ME2: variants seen among roughly 807,000 people sequenced by gnomAD.
ME2 encodes malic enzyme 2, also known as NAD-dependent malic enzyme, mitochondrial.
Under a neutral mutation model 73.7 loss-of-function variants are expected in ME2, and 60 were observed. The observed-to-expected ratio is 0.81, with a 90% CI of 0.66 to 1.01. The LOEUF (loss-of-function observed/expected upper bound fraction) is 1.01, where lower values mean the gene tolerates loss of function less well. Among genes scored for constraint, ME2 ranks in the 50% least tolerant of loss-of-function variants. The pLI, the probability that ME2 is intolerant of heterozygous loss-of-function variation, is 0.00. For synonymous variants in ME2, 199 were observed against 236.9 expected (o/e 0.84, Z 1.47); for missense variants, 594 against 705.5 (o/e 0.84, Z 1.79).
At chr18:50,901,186 G>A (rs1916880982) in intron 2 of ME2, among the ~76,000 whole-genome samples, 1 of 152,154 alleles carries the variant, frequency 6.6e-6, no homozygotes, top group Admixed American at 6.5e-5. Context: ...TGAGGCACTG[G>A]CTACATAGCG....
intron 15 of ME2, among the ~76,000 whole-genome samples, chr18:50,941,785 ACT>A (rs1475650139): frequency 6.6e-6 from 1 of 151,604 alleles, no homozygotes; most frequent in Non-Finnish European, 1.5e-5. Flanking sequence ...CAGAAAAAGT[ACT>A]GATTTACATT....
In ME2 at chr18:50,948,312, C is replaced by G. The variant is rs949962134; in HGVS notation, c.*1128C>G. ...ATCCCAGTAAAATGGGTAATAATGGCTATCCAGAACAGTTTTCTTGTGTGG... is the reference window on the plus strand; with the variant it reads ...ATCCCAGTAAAATGGGTAATAATGGGTATCCAGAACAGTTTTCTTGTGTGG... On this transcript the variant is annotated 3_prime_UTR_variant, in exon 16 of 16. Coordinates refer to ENST00000321341, the MANE Select transcript of ME2 (RefSeq NM_002396.5). 5.9e-5 allele frequency: 9 copies of G among 152,080 alleles called. No individual in the cohort carries two copies. The highest frequency in any genetic ancestry group is 2.2e-4 in the African/African-American group (9 of 41,408). The allele number at this position is 152,080 out of a possible 1,614,324, so 9.4% of individuals were successfully genotyped here. A position where few individuals can be genotyped will look rare whatever the true frequency, so the allele number is the denominator to read the frequency against.
intron 4 of ME2, among the ~76,000 whole-genome samples, chr18:50,913,740 T>G (rs1308414025): frequency 6.6e-6 from 1 of 152,142 alleles, no homozygotes; most frequent in Non-Finnish European, 1.5e-5. Flanking sequence ...AGTTCTTGAA[T>G]GAGTCGCGTG....
intron 13 of ME2, among the ~76,000 whole-genome samples, chr18:50,937,907 A>G (rs1389246162): frequency 2.0e-5 from 3 of 152,202 alleles, no homozygotes; most frequent in African/African-American, 7.2e-5. Context: ...CTTCATGAAC[A>G]TTTCCCAAAA....
At chr18:50,943,159 A>G (rs887898275) in intron 15 of ME2, among the ~76,000 whole-genome samples, 1 of 152,092 alleles carries the variant, frequency 6.6e-6, no homozygotes, top group African/African-American at 2.4e-5. Context: ...TCTACTTTTT[A>G]AAAGAAGTAG....
chr18:50,899,607 GTCT>G (rs1429746268), intron 2 of ME2, among the ~76,000 whole-genome samples: 1 of 152,114 alleles, frequency 6.6e-6, no homozygotes, highest in African/African-American at 2.4e-5. Flanking sequence ...GTGAGCCCCT[GTCT>G]CAAAAAAAAT....
Position 50,951,069 on chromosome 18 carries a change from CTT to C in ME2, c.*3887_*3888del, listed in dbSNP as rs1221095192. 6.6e-6 allele frequency: 1 copy of C among 152,186 alleles called. No individual in the cohort carries two copies. Among genetic ancestry groups the C allele is most frequent in the Non-Finnish European group, 1.5e-5 (1 of 68,032 alleles). The allele number at this position is 152,186 out of a possible 1,614,324, so 9.4% of individuals were successfully genotyped here. On this transcript the variant is annotated 3_prime_UTR_variant, in exon 16 of 16. Coordinates refer to ENST00000321341, the MANE Select transcript of ME2 (RefSeq NM_002396.5). ...CTGAAAACATAAAAACTAGAGTACT[CTT>C]TAATTCTAAATTATAGATTTGTAGC...
intron 12 of ME2, among the ~76,000 whole-genome samples, chr18:50,931,281 G>A (rs1029217938): frequency 6.6e-6 from 1 of 152,142 alleles, no homozygotes; most frequent in African/African-American, 2.4e-5. Flanking sequence ...GTGATACTGT[G>A]GTCATGCCAC....
At chr18:50,910,833 C>A (rs1917139501) in intron 3 of ME2, among the ~76,000 whole-genome samples, 1 of 152,124 alleles carries the variant, frequency 6.6e-6, no homozygotes, top group Admixed American at 6.5e-5. Context: ...GAGAGATTTG[C>A]TCAGAGTGAG....
intron 13 of ME2, chr18:50,933,783 G>A (rs528282254): frequency 6.6e-6 from 1 of 152,010 alleles, no homozygotes; most frequent in Non-Finnish European, 1.5e-5. Context: ...CATGCTACCC[G>A]ATAGGTAGTT....
chr18:50,945,746 A>G (rs1918066318), intron 15 of ME2, among the ~76,000 whole-genome samples: 1 of 152,170 alleles, frequency 6.6e-6, no homozygotes, highest in Non-Finnish European at 1.5e-5. Flanking sequence ...AATTTTTTCT[A>G]CCATATGTCA....
chr18:50,925,838 A>T lies in ME2; in HGVS notation c.1254A>T (p.Ala418=), dbSNP rs1237520563. The T allele has an allele frequency of 1.2e-6, 2 of 1,612,554 alleles. No individual in the cohort carries two copies. The highest frequency in any genetic ancestry group is 2.2e-5 in the East Asian group (1 of 44,860). The change falls in exon 12 of 16, where the codon GCA becomes GCT. Residue 418 remains alanine (A), a synonymous_variant. Coordinates refer to ENST00000321341, the MANE Select transcript of ME2 (RefSeq NM_002396.5). ...TCAATGAAAGGCCTGTAATATTTGCATTAAGTAATCCTACAGCACAGGCAG... is the reference window on the plus strand; with the variant it reads ...TCAATGAAAGGCCTGTAATATTTGCTTTAAGTAATCCTACAGCACAGGCAG... The part of the protein sequence containing the change: ...ASINERPVIF[A]LSNPTAQAEC...
chr18:50,927,086 C>T (rs958558423), intron 12 of ME2, among the ~76,000 whole-genome samples: 8 of 152,304 alleles, frequency 5.3e-5, no homozygotes, highest in Non-Finnish European at 1.0e-4. Flanking sequence ...GACACTACCA[C>T]GGGATTATAG....
Position 50,929,161 on chromosome 18 carries a change from C to CT in ME2, c.1315-3083dup, listed in dbSNP as rs111985773. 8.2e-3 allele frequency among the ~76,000 whole-genome samples: 1,178 copies of CT among 143,050 alleles called. 11 individuals carry two copies. The highest frequency in any genetic ancestry group is 0.059 in the East Asian group (289 of 4,940). 93.8% of individuals were successfully genotyped at this position (143,050 alleles called of 152,430 possible). A position where few individuals can be genotyped will look rare whatever the true frequency, so the allele number is the denominator to read the frequency against. ...TCATACTTTTGATATATTTGGCATT[C>CT]TTTTTTTTTTTTTTCCCATTGTTAA... On this transcript the variant is annotated intron_variant, in intron 12 of 15. Coordinates refer to ENST00000321341, the MANE Select transcript of ME2 (RefSeq NM_002396.5).
At chr18:50,892,083 A>G (rs1357579106) in intron 1 of ME2, among the ~76,000 whole-genome samples, 1 of 152,078 alleles carries the variant, frequency 6.6e-6, no homozygotes, top group Non-Finnish European at 1.5e-5. Flanking sequence ...GGCCTCCCAA[A>G]GTGCTGGGAT....
chr18:50,891,659 A>G (rs1830883968), intron 1 of ME2, among the ~76,000 whole-genome samples: 1 of 152,088 alleles, frequency 6.6e-6, no homozygotes, highest in Non-Finnish European at 1.5e-5. Context: ...CACTCCCACA[A>G]AGAGGCTAAG....
chr18:50,945,965 G>A (rs960952221), intron 15 of ME2, among the ~76,000 whole-genome samples: 6 of 152,154 alleles, frequency 3.9e-5, no homozygotes, highest in Admixed American at 2.6e-4. Context: ...TACTGGGGAG[G>A]CTGAGGCAGG....
intron 15 of ME2, among the ~76,000 whole-genome samples, chr18:50,946,710 A>G (rs1294247031): frequency 1.3e-5 from 2 of 152,198 alleles, no homozygotes; most frequent in Non-Finnish European, 2.9e-5. Context: ...GTGATTAGGA[A>G]ATAGTCTCTG....
chr18:50,937,775 G>C (rs921212483), intron 13 of ME2, among the ~76,000 whole-genome samples: 1 of 152,036 alleles, frequency 6.6e-6, no homozygotes, highest in Admixed American at 6.6e-5. Flanking sequence ...CCTAAAAAGA[G>C]AGCAAAGGAC....
Sources: gnomAD v4.1 joint callset for allele counts (sites outside exome capture counted in the v4.1 genomes callset) on GRCh38, gnomAD v4.1.1 for gene constraint, MANE v1.5 for transcripts, NCBI Gene and HGNC (gene_info 2026-07-23, HGNC 2026-07-21) for gene names.